USP34: variants seen among roughly 807,000 people sequenced by gnomAD.
USP34 encodes the protein ubiquitin carboxyl-terminal hydrolase 34.
USP34 carries 70 observed loss-of-function variants against 460.3 expected under a neutral mutation model. The observed-to-expected ratio is 0.15, with a 90% CI of 0.13 to 0.19. The LOEUF (loss-of-function observed/expected upper bound fraction) is 0.19. Among genes scored for constraint, USP34 ranks in the 10% least tolerant of loss-of-function variants. The probability of loss-of-function intolerance (pLI) is 1.00; values close to 1 mark genes in which losing one functional copy is unlikely to be tolerated. For missense variants in USP34, 3,985 were observed against 4,236.2 expected, an observed-to-expected ratio of 0.94 and a Z score of 1.65; for synonymous variants, 1,647 against 1,405.3, an observed-to-expected ratio of 1.17 and a Z score of -3.85.
intron 6 of USP34, among the ~76,000 whole-genome samples, chr2:61,381,236 A>AT (rs1177094306): frequency 3.2e-4 from 47 of 147,114 alleles, no homozygotes; most frequent in African/African-American, 1.1e-3. Flanking sequence ...TAAAAAATAA[A>AT]CAAAAAATGT....
chr2:61,422,007 T>C lies in USP34; in HGVS notation c.44-1174A>G, dbSNP rs538310803. The stretch of plus-strand genomic sequence containing the variant: ...GGAAACGGCGTAAGGCCAAAATACA[T>C]GTAAAACAGTCACAAGGTAGTAACA... On this transcript the variant is annotated intron_variant, in intron 1 of 79. Coordinates refer to ENST00000398571, the MANE Select transcript of USP34 (RefSeq NM_014709.4). Among the ~76,000 whole-genome samples, 16 of 152,240 alleles carry C rather than the reference T, an allele frequency of 1.1e-4. No homozygotes were observed. In the South Asian group the frequency reaches 2.3e-3, roughly 22 times the overall value.
At chr2:61,263,031 T>TAA (rs1483959835) in intron 43 of USP34, among the ~76,000 whole-genome samples, 1 of 151,900 alleles carries the variant, frequency 6.6e-6, no homozygotes, top group African/African-American at 2.4e-5. Context: ...TTTTTTAAGA[T>TAA]AGAGTCTTGC....
chr2:61,286,383 C>T (rs529992568), intron 34 of USP34, among the ~76,000 whole-genome samples: 10 of 152,092 alleles, frequency 6.6e-5, no homozygotes, highest in Middle Eastern at 3.4e-3. Context: ...TGGCCCAGAG[C>T]GGTGGCTCAC....
chr2:61,344,422 T>C (rs1691699943), intron 15 of USP34, among the ~76,000 whole-genome samples: 1 of 152,222 alleles, frequency 6.6e-6, no homozygotes, highest in Non-Finnish European at 1.5e-5. Context: ...GGCTGCAGTC[T>C]TGATGGACTT....
chr2:61,231,136 G>C (rs571179499), intron 58 of USP34, among the ~76,000 whole-genome samples: 12 of 152,306 alleles, frequency 7.9e-5, no homozygotes, highest in African/African-American at 2.4e-4. Flanking sequence ...GAAGCAGTAA[G>C]TCACAAAAGA....
At chr2:61,409,160 C>T (rs1693966514) in intron 2 of USP34, among the ~76,000 whole-genome samples, 1 of 152,116 alleles carries the variant, frequency 6.6e-6, no homozygotes, top group South Asian at 2.1e-4. Flanking sequence ...GTGGAAGGTG[C>T]AGTCAGCCAA....
intron 34 of USP34, 95 bp downstream of exon 34, chr2:61,288,582 A>C: frequency 7.7e-7 from 1 of 1,306,026 alleles, no homozygotes; most frequent in East Asian, 2.3e-5. Flanking sequence ...GTTAAGTCAC[A>C]GTAATCTAGA....
intron 62 of USP34, among the ~76,000 whole-genome samples, chr2:61,226,043 G>A (rs1261571477): frequency 6.6e-6 from 1 of 152,102 alleles, no homozygotes; most frequent in African/African-American, 2.4e-5. Flanking sequence ...GTAGCATACT[G>A]CAGACTCAAA....
intron 19 of USP34, among the ~76,000 whole-genome samples, chr2:61,333,478 A>G (rs1385096376): frequency 2.0e-5 from 3 of 151,942 alleles, no homozygotes; most frequent in African/African-American, 4.8e-5. Context: ...GGCATACTCA[A>G]CCTGTAATAA....
intron 15 of USP34, 21 bp downstream of exon 15, chr2:61,347,849 T>C: frequency 6.2e-7 from 1 of 1,607,144 alleles, no homozygotes; most frequent in Non-Finnish European, 8.5e-7. Context: ...GAACTGAATA[T>C]TTATTTTGAA....
intron 30 of USP34, among the ~76,000 whole-genome samples, chr2:61,296,238 T>A (rs1690025313): frequency 6.6e-6 from 1 of 151,124 alleles, no homozygotes; most frequent in South Asian, 2.1e-4. Context: ...CCAGCCTGGG[T>A]AACAGAGTTA....
rs913876878 is a variant in USP34 at position 61,203,057 on chromosome 2, G to T, written c.9508+83C>A. On this transcript the variant is annotated intron_variant, in intron 75 of 79. Coordinates refer to ENST00000398571, the MANE Select transcript of USP34 (RefSeq NM_014709.4). The stretch of plus-strand genomic sequence containing the variant: ...ACTTTAAAAAAAGAAAAAAAGGATT[G>T]TCTCATAATTTTTCTCCCCTTCCTG... The T allele has an allele frequency of 3.8e-5, 50 of 1,309,352 alleles. No individual in the cohort carries two copies. The South Asian group carries it at 1.0e-3, about 27-fold the overall frequency. 81.1% of individuals were successfully genotyped at this position (1,309,352 alleles called of 1,614,324 possible).
At chr2:61,312,582 G>C (rs1690628478) in intron 25 of USP34, among the ~76,000 whole-genome samples, 1 of 151,130 alleles carries the variant, frequency 6.6e-6, no homozygotes, top group Non-Finnish European at 1.5e-5. Flanking sequence ...GGGAATGAAT[G>C]AACTTGTCTA....
At chr2:61,302,078 G>A (rs1690244330) in intron 27 of USP34, among the ~76,000 whole-genome samples, 1 of 152,118 alleles carries the variant, frequency 6.6e-6, no homozygotes, top group Admixed American at 6.5e-5. Context: ...TGCATGCCAG[G>A]CACTAAAATG....
At chr2:61,247,086 T>G (rs1553356907) in intron 49 of USP34, among the ~76,000 whole-genome samples, 1 of 151,386 alleles carries the variant, frequency 6.6e-6, no homozygotes, top group Non-Finnish European at 1.5e-5. Context: ...AGAAACAAAA[T>G]AAAGAAAAAG....
At chr2:61,437,161 A>G (rs1694836401) in intron 1 of USP34, among the ~76,000 whole-genome samples, 1 of 152,172 alleles carries the variant, frequency 6.6e-6, no homozygotes, top group African/African-American at 2.4e-5. Context: ...AAAATTAGAC[A>G]ACGAAGATCA....
chr2:61,283,487 A>C, intron 35 of USP34, 38 bp from the exon 36 acceptor site: 1 of 1,581,642 alleles, frequency 6.3e-7, no homozygotes, highest in South Asian at 1.2e-5. Context: ...AATTAAATTC[A>C]GCAATGAATT....
intron 41 of USP34, among the ~76,000 whole-genome samples, chr2:61,272,853 A>G (rs1490862790): frequency 1.3e-5 from 2 of 152,224 alleles, no homozygotes; most frequent in Non-Finnish European, 2.9e-5. Context: ...TTAAACTTGT[A>G]AAACAGGAAG....
chr2:61,330,686 C>G (rs1691232856), intron 20 of USP34, among the ~76,000 whole-genome samples: 1 of 152,252 alleles, frequency 6.6e-6, no homozygotes, highest in African/African-American at 2.4e-5. Flanking sequence ...TCTTCTGAAT[C>G]TCCTATGCAT....
Sources: allele counts gnomAD v4.1 joint callset (sites outside exome capture counted in the v4.1 genomes callset), GRCh38; gene constraint gnomAD v4.1.1; transcripts MANE v1.5; gene names NCBI Gene and HGNC (gene_info 2026-07-23, HGNC 2026-07-21).